The following MDGA2 variants were observed in gnomAD, a reference collection of about 807,000 sequenced individuals.
MDGA2 encodes MAM domain-containing glycosylphosphatidylinositol anchor protein 2.
In MDGA2, 40 loss-of-function variants were observed where a neutral mutation model predicts 117.8. The ratio of observed to expected loss-of-function variants is 0.34; its 90% confidence interval spans 0.26 to 0.44. MDGA2 has a LOEUF of 0.44. Ranked by LOEUF, MDGA2 falls within the 20% of genes least tolerant of loss-of-function variation. MDGA2 has a pLI of 1.00. For missense variants in MDGA2, 1,123 were observed against 1,250.6 expected, an observed-to-expected ratio of 0.90 and a Z score of 1.54; for synonymous variants, 452 against 439.0, an observed-to-expected ratio of 1.03 and a Z score of -0.37.
At chr14:47,645,379 G>T (rs1245029501) in intron 1 of MDGA2, among the ~76,000 whole-genome samples, 6 of 151,814 alleles carry the variant, frequency 4.0e-5, no homozygotes, top group African/African-American at 1.5e-4. Flanking sequence ...GACTACAGGC[G>T]CATGACACCT....
At chr14:47,066,758 C>T (rs1364563048) in intron 6 of MDGA2, among the ~76,000 whole-genome samples, 3 of 151,952 alleles carry the variant, frequency 2.0e-5, no homozygotes, top group Admixed American at 1.3e-4. Flanking sequence ...CTGACATCTA[C>T]GCACATTTAC....
In MDGA2 at chr14:47,547,179, C is replaced by A. The variant is rs187311270; in HGVS notation, c.280+127338G>T. The stretch of plus-strand genomic sequence containing the variant: ...CATTATTGATAAGACAGTGACAGCA[C>A]AACAAGATTGAATTAAGACTCTTCT... On this transcript the variant is annotated intron_variant, in intron 1 of 16. Transcript: ENST00000399232. 6.0e-4 allele frequency among the ~76,000 whole-genome samples: 92 copies of A among 152,154 alleles called. No individual in the cohort carries two copies. The East Asian group carries it at 0.017, about 28-fold the overall frequency.
At chr14:47,405,969 T>C (rs1182441431) in intron 1 of MDGA2, among the ~76,000 whole-genome samples, 5 of 152,152 alleles carry the variant, frequency 3.3e-5, no homozygotes, top group Non-Finnish European at 7.4e-5. Flanking sequence ...AGCTTTTCAA[T>C]CATTTTCAGT....
intron 2 of MDGA2, among the ~76,000 whole-genome samples, chr14:47,223,535 T>C (rs1378661564): frequency 1.3e-5 from 2 of 152,146 alleles, no homozygotes; most frequent in Admixed American, 6.5e-5. Flanking sequence ...TTATATGATA[T>C]GGTTATTCTT....
chr14:46,924,894 G>A, intron 9 of MDGA2, among the ~76,000 whole-genome samples: 1 of 152,110 alleles, frequency 6.6e-6, no homozygotes, highest in East Asian at 1.9e-4. Context: ...AGTTTGGGGA[G>A]AAAAATAGAG....
At chr14:47,549,247 A>G (rs1895529240) in intron 1 of MDGA2, among the ~76,000 whole-genome samples, 1 of 152,136 alleles carries the variant, frequency 6.6e-6, no homozygotes, top group Non-Finnish European at 1.5e-5. Context: ...TTGAAATTCA[A>G]TGATTTTTCT....
At chr14:46,940,828 T>C (rs1164669523) in intron 9 of MDGA2, among the ~76,000 whole-genome samples, 1 of 152,112 alleles carries the variant, frequency 6.6e-6, no homozygotes, top group East Asian at 1.9e-4. Flanking sequence ...GCTGCACATG[T>C]GGGTGGTCCA....
At chr14:46,992,056 C>A (rs551978897) in intron 8 of MDGA2, among the ~76,000 whole-genome samples, 1 of 152,062 alleles carries the variant, frequency 6.6e-6, no homozygotes, top group Non-Finnish European at 1.5e-5. Flanking sequence ...ATAAAAGCTA[C>A]GCCTAACAAT....
rs1166068907 is a variant in MDGA2, at chr14:47,674,000, TGCAGAAC to T, written c.280+510_280+516del. Among the ~76,000 whole-genome samples, 43 of 151,134 alleles carry T rather than the reference TGCAGAAC, an allele frequency of 2.8e-4. 1 individual carries two copies. The highest frequency in any genetic ancestry group is 5.9e-4 in the Non-Finnish European group (40 of 67,926). Reference sequence around the variant, plus strand: ...AGTCAGTGCTCATGGCAACCGCTGGTGCAGAACGCAACTCAACTGTCACCCCACTTCC... The same window carrying T: ...AGTCAGTGCTCATGGCAACCGCTGGTGCAACTCAACTGTCACCCCACTTCC... On this transcript the variant is annotated intron_variant, in intron 1 of 16. Coordinates refer to ENST00000399232, the MANE Select transcript of MDGA2 (RefSeq NM_001113498.3).
intron 10 of MDGA2, among the ~76,000 whole-genome samples, chr14:46,904,278 A>G (rs1883403552): frequency 6.6e-6 from 1 of 151,902 alleles, no homozygotes; most frequent in Non-Finnish European, 1.5e-5. Context: ...AGGCTGAGGC[A>G]AGAGAATTGC....
At chr14:47,235,402 C>G (rs1886824203) in intron 2 of MDGA2, among the ~76,000 whole-genome samples, 1 of 152,102 alleles carries the variant, frequency 6.6e-6, no homozygotes, top group Non-Finnish European at 1.5e-5. Flanking sequence ...GAAACTCATC[C>G]TCGAAAGAAT....
chr14:47,307,020 C>T (rs1014682779), intron 1 of MDGA2, among the ~76,000 whole-genome samples: 1 of 152,132 alleles, frequency 6.6e-6, no homozygotes, highest in Non-Finnish European at 1.5e-5. Flanking sequence ...TTCTTCCCAG[C>T]TTTCTATTGA....
At chr14:47,192,133 A>T (rs78398281) in intron 3 of MDGA2, among the ~76,000 whole-genome samples, 8,957 of 152,286 alleles carry the variant, frequency 0.059, 365 homozygotes, top group Middle Eastern at 0.088. Context: ...TGCAGTGGAG[A>T]TAAGTGTGAG....
At chr14:47,512,007 G>C (rs990414934) in intron 1 of MDGA2, among the ~76,000 whole-genome samples, 2 of 152,050 alleles carry the variant, frequency 1.3e-5, no homozygotes, top group Non-Finnish European at 2.9e-5. Flanking sequence ...GCATACCTAA[G>C]CACAATAACC....
chr14:47,061,487 T>G lies in MDGA2; in HGVS notation c.1287A>C (p.Gln429His), dbSNP rs1414730331. 2 of 1,613,502 alleles carry G rather than the reference T, an allele frequency of 1.2e-6. No homozygotes were observed. Among genetic ancestry groups the G allele is most frequent in the Non-Finnish European group, 1.7e-6 (2 of 1,179,590 alleles). Reference sequence around the variant, plus strand: ...GCTCCTCAGAAGGAACAGCTTCTACTTGGCAAGATATTTTCACCTCACGGC... The same window carrying G: ...GCTCCTCAGAAGGAACAGCTTCTACGTGGCAAGATATTTTCACCTCACGGC... ...QIGREVKISC[Q>H]VEAVPSEELT... The change falls in exon 7 of 17, where the codon CAA (glutamine) becomes CAC (histidine). Residue 429 changes from glutamine (Q) to histidine (H), a missense_variant. By Grantham distance (24) the Gln-to-His change is conservative. This residue lies in a region of MDGA2 where 890 missense variants were observed against 1,050.3 expected (regional missense o/e 0.85). Coordinates refer to ENST00000399232, the MANE Select transcript of MDGA2 (RefSeq NM_001113498.3).
At chr14:47,623,000 G>A (rs544909032) in intron 1 of MDGA2, among the ~76,000 whole-genome samples, 4 of 152,112 alleles carry the variant, frequency 2.6e-5, no homozygotes, top group Admixed American at 6.6e-5. Context: ...TAAAGTTCAC[G>A]TATTGGAAAA....
At chr14:47,512,129 C>T (rs1894655101) in intron 1 of MDGA2, among the ~76,000 whole-genome samples, 1 of 152,134 alleles carries the variant, frequency 6.6e-6, no homozygotes. Context: ...CCATTGAACA[C>T]CATGCATATC....
chr14:47,107,608 A>T (rs1217375770), intron 5 of MDGA2, among the ~76,000 whole-genome samples: 1 of 151,436 alleles, frequency 6.6e-6, no homozygotes, highest in Non-Finnish European at 1.5e-5. Context: ...CTCATCTGTT[A>T]CCTATCTCGG....
At chr14:47,254,612 G>C (rs116249255) in intron 2 of MDGA2, among the ~76,000 whole-genome samples, 5,260 of 152,128 alleles carry the variant, frequency 0.035, 197 homozygotes, top group East Asian at 0.18. Flanking sequence ...CCTCTCTTCT[G>C]AGCCCTCCAA....
Sources: allele counts gnomAD v4.1 joint callset (sites outside exome capture counted in the v4.1 genomes callset), GRCh38; gene constraint gnomAD v4.1.1; regional missense constraint gnomAD v4.1.1; transcripts MANE v1.5; gene names NCBI Gene and HGNC (gene_info 2026-07-23, HGNC 2026-07-21).